PTPRD: variants seen among roughly 807,000 people sequenced by gnomAD.
PTPRD encodes the protein protein tyrosine phosphatase receptor type D, also known as receptor-type tyrosine-protein phosphatase delta.
PTPRD carries 34 observed loss-of-function variants against 214.5 expected under a neutral mutation model. That is an observed-to-expected ratio of 0.16 (90% CI 0.12 to 0.21). The LOEUF is 0.21. PTPRD is among the 10% of genes least tolerant of loss of function. PTPRD has a pLI of 1.00. For synonymous variants in PTPRD, 1,128 were observed against 845.7 expected, an observed-to-expected ratio of 1.33 and a Z score of -5.79; for missense variants, 2,545 against 2,398.7, an observed-to-expected ratio of 1.06 and a Z score of -1.27.
At chr9:10,024,844 T>C (rs1476813489) in intron 4 of PTPRD, among the ~76,000 whole-genome samples, 3 of 140,518 alleles carry the variant, frequency 2.1e-5, no homozygotes. Context: ...TGTGTTCTCA[T>C]TGTTCAATTC....
At chr9:8,522,145 T>C (rs2097903815) in intron 19 of PTPRD, among the ~76,000 whole-genome samples, 1 of 152,132 alleles carries the variant, frequency 6.6e-6, no homozygotes, top group African/African-American at 2.4e-5. Context: ...GAAATGTATA[T>C]ACATATTGAT....
intron 6 of PTPRD, among the ~76,000 whole-genome samples, chr9:9,764,745 G>C (rs766358403): frequency 1.3e-5 from 2 of 152,064 alleles, no homozygotes; most frequent in Non-Finnish European, 2.9e-5. Flanking sequence ...GCTTCTCCAG[G>C]ATTCCACGGA....
chr9:9,389,057 T>C (rs1416522713), intron 9 of PTPRD, among the ~76,000 whole-genome samples: 2 of 152,208 alleles, frequency 1.3e-5, no homozygotes, highest in Non-Finnish European at 2.9e-5. Flanking sequence ...ACTTTTTCTG[T>C]GCCTCATTTT....
At chr9:10,397,638 T>C (rs1159881017) in intron 2 of PTPRD, among the ~76,000 whole-genome samples, 4 of 152,020 alleles carry the variant, frequency 2.6e-5, no homozygotes, top group Non-Finnish European at 5.9e-5. Flanking sequence ...CTTTTATATG[T>C]TTAATACACA....
rs2098088591 is a variant in PTPRD, at chr9:10,392,524, C to T, written c.-599-51507G>A. Among the ~76,000 whole-genome samples the T allele has an allele frequency of 5.3e-5, 8 of 151,754 alleles. No individual in the cohort carries two copies. In the Admixed American group the frequency reaches 5.3e-4, roughly 10 times the overall value. The stretch of plus-strand genomic sequence containing the variant: ...ATGAATATTTATCCAGAATGTTTCA[C>T]CTCTGCCTTTTACACAGTGCAGTGA... On this transcript the variant is annotated intron_variant, in intron 2 of 45. Coordinates refer to ENST00000381196, the MANE Select transcript of PTPRD (RefSeq NM_002839.4).
intron 11 of PTPRD, among the ~76,000 whole-genome samples, chr9:8,869,075 A>T (rs1054827465): frequency 1.4e-4 from 22 of 152,186 alleles, no homozygotes; most frequent in African/African-American, 4.8e-4. Context: ...AAGAAGAGAA[A>T]CAAAAAAAGA....
At chr9:9,276,390 A>C (rs1040492354) in intron 9 of PTPRD, among the ~76,000 whole-genome samples, 2 of 151,392 alleles carry the variant, frequency 1.3e-5, no homozygotes, top group African/African-American at 2.4e-5. Flanking sequence ...GTAGTCTAGA[A>C]TATCAGAGGC....
At chr9:8,434,648 T>A (rs1462346647) in intron 35 of PTPRD, among the ~76,000 whole-genome samples, 1 of 152,124 alleles carries the variant, frequency 6.6e-6, no homozygotes, top group African/African-American at 2.4e-5. Flanking sequence ...AAATAAATAA[T>A]TAAAGCAGGG....
At chr9:9,035,460 C>A (rs2099618508) in intron 10 of PTPRD, among the ~76,000 whole-genome samples, 1 of 152,024 alleles carries the variant, frequency 6.6e-6, no homozygotes. Flanking sequence ...GTGCCCCCAT[C>A]CTACAATTTT....
intron 10 of PTPRD, among the ~76,000 whole-genome samples, chr9:9,075,636 C>T (rs772289678): frequency 6.6e-6 from 1 of 152,058 alleles, no homozygotes; most frequent in Non-Finnish European, 1.5e-5. Context: ...GTTCAATTCC[C>T]ACCTGTGAGT....
intron 2 of PTPRD, among the ~76,000 whole-genome samples, chr9:10,550,326 A>G (rs570569114): frequency 3.9e-5 from 6 of 152,282 alleles, no homozygotes; most frequent in African/African-American, 1.4e-4. Flanking sequence ...GGTTTGCTAC[A>G]TGGGTATTTT....
At chr9:8,530,100 T>A (rs1233722052) in intron 14 of PTPRD, among the ~76,000 whole-genome samples, 1 of 152,062 alleles carries the variant, frequency 6.6e-6, no homozygotes, top group Non-Finnish European at 1.5e-5. Flanking sequence ...GTATAATCCA[T>A]GAATTCACAG....
At chr9:9,938,319 G>C (rs7027038) in intron 5 of PTPRD, among the ~76,000 whole-genome samples, 188 bp downstream of exon 5, 55,419 of 151,984 alleles carry the variant, frequency 0.36, 10,734 homozygotes, top group East Asian at 0.73. Flanking sequence ...GGATTAAAAA[G>C]TATATGCATT....
intron 9 of PTPRD, among the ~76,000 whole-genome samples, chr9:9,277,643 G>A (rs34385080): frequency 0.22 from 33,948 of 150,982 alleles, 4,336 homozygotes; most frequent in Middle Eastern, 0.38. Flanking sequence ...ATAAACTATG[G>A]AAAATGATGG....
chr9:9,350,855 G>A (rs1186145341), intron 9 of PTPRD, among the ~76,000 whole-genome samples: 5 of 152,002 alleles, frequency 3.3e-5, no homozygotes, highest in African/African-American at 1.2e-4. Context: ...CTCAGATAAC[G>A]AGGTCAGCCA....
At chr9:8,578,094 C>T (rs1250335069) in intron 14 of PTPRD, among the ~76,000 whole-genome samples, 1 of 152,106 alleles carries the variant, frequency 6.6e-6, no homozygotes, top group South Asian at 2.1e-4. Flanking sequence ...TATACAGATA[C>T]AGATTCTTAG....
At chr9:9,174,648 T>C (rs906597767) in intron 10 of PTPRD, among the ~76,000 whole-genome samples, 10 of 152,168 alleles carry the variant, frequency 6.6e-5, no homozygotes, top group Admixed American at 1.3e-4. Flanking sequence ...CAAAGGATAT[T>C]ACATAAGAGA....
At position 9,150,583 on chromosome 9, in the gene PTPRD, G is replaced by A. The variant is rs1229635370; in HGVS notation, c.-143+32721C>T. On this transcript the variant is annotated intron_variant, in intron 10 of 45. Transcript: ENST00000381196. ...CAGCTCAGCAAACTCCACCTTCTGG[G>A]TTCAAGTGATTCTCCTGCCTCAGCC... is the stretch of plus-strand genomic sequence containing the variant. Among the ~76,000 whole-genome samples the A allele has an allele frequency of 2.0e-5, 3 of 151,480 alleles. No homozygotes were observed. In the East Asian group the frequency reaches 5.8e-4, roughly 29 times the overall value.
chr9:10,243,269 C>G (rs1156548038), intron 3 of PTPRD, among the ~76,000 whole-genome samples: 1 of 151,932 alleles, frequency 6.6e-6, no homozygotes, highest in Non-Finnish European at 1.5e-5. Flanking sequence ...TATATGCTAT[C>G]TTTTGTAAGC....
Sources: allele counts gnomAD v4.1 joint callset (sites outside exome capture counted in the v4.1 genomes callset), GRCh38; gene constraint gnomAD v4.1.1; transcripts MANE v1.5; gene names NCBI Gene and HGNC (gene_info 2026-07-23, HGNC 2026-07-21).